The following DENND1A variants were observed in gnomAD, a reference collection of about 807,000 sequenced individuals.
DENND1A encodes the protein DENN domain-containing protein 1A.
A neutral mutation model predicts 113.7 loss-of-function variants in DENND1A; 51 were observed. That is an observed-to-expected ratio of 0.45 (90% confidence interval 0.36 to 0.57). The LOEUF (loss-of-function observed/expected upper bound fraction) is 0.57, where lower values mean the gene tolerates loss of function less well. Ranked by LOEUF, DENND1A falls within the 20% of genes least tolerant of loss-of-function variation. The pLI, the probability that DENND1A is intolerant of heterozygous loss-of-function variation, is 0.00. For missense variants in DENND1A, 1,258 were observed against 1,395.9 expected (o/e 0.90, Z 1.57); for synonymous variants, 565 against 570.8 (o/e 0.99, Z 0.14).
At chr9:123,757,447 T>C (rs2070667202) in intron 5 of DENND1A, among the ~76,000 whole-genome samples, 3 of 152,230 alleles carry the variant, frequency 2.0e-5, no homozygotes, top group Admixed American at 1.3e-4. Flanking sequence ...ACTGACTCTC[T>C]GGCTTCCACA....
chr9:123,620,234 A>G lies in DENND1A; in HGVS notation c.719+10142T>C, dbSNP rs1222032472. On this transcript the variant is annotated intron_variant, in intron 10 of 23. Coordinates refer to ENST00000394215, the MANE Select transcript of DENND1A (RefSeq NM_001352964.2). ...ATCTCAAAAAAAAAAAAAAAAAAAA[A>G]AAAAGAAAAGAAAAAGAAAAAAAGG... Among the ~76,000 whole-genome samples the G allele has an allele frequency of 6.8e-5, 10 of 146,520 alleles. No homozygotes were observed. The South Asian group carries it at 1.5e-3, about 22-fold the overall frequency.
chr9:123,871,508 C>T (rs1284770990), intron 2 of DENND1A, among the ~76,000 whole-genome samples: 1 of 152,204 alleles, frequency 6.6e-6, no homozygotes, highest in Non-Finnish European at 1.5e-5. Context: ...GAAAGTTAAA[C>T]TTCAGAATAA....
At chr9:123,389,430 G>A (rs2042728973) in intron 21 of DENND1A, among the ~76,000 whole-genome samples, 1 of 152,194 alleles carries the variant, frequency 6.6e-6, no homozygotes, top group Non-Finnish European at 1.5e-5. Flanking sequence ...TCCTGGACTC[G>A]AGGGGGCTCT....
chr9:123,506,884 T>A (rs2052999892), intron 13 of DENND1A, among the ~76,000 whole-genome samples: 1 of 152,140 alleles, frequency 6.6e-6, no homozygotes, highest in Admixed American at 6.6e-5. Flanking sequence ...CAAAATTTCC[T>A]TATGCTCTTT....
chr9:123,653,392 G>C (rs1220494552), intron 8 of DENND1A, among the ~76,000 whole-genome samples: 2 of 152,156 alleles, frequency 1.3e-5, no homozygotes, highest in East Asian at 3.8e-4. Context: ...TAAAGTCTGG[G>C]AGAGGTCAGC....
chr9:123,468,480 A>G (rs2049133575), intron 13 of DENND1A, among the ~76,000 whole-genome samples: 1 of 152,188 alleles, frequency 6.6e-6, no homozygotes. Flanking sequence ...TAAAAACTTA[A>G]GAATAAAGCA....
intron 3 of DENND1A, among the ~76,000 whole-genome samples, chr9:123,782,174 T>C (rs938355321): frequency 1.3e-5 from 2 of 152,218 alleles, no homozygotes; most frequent in Admixed American, 6.5e-5. Flanking sequence ...CTAGCTGCCA[T>C]TAAATCTGAA....
chr9:123,662,069 G>A (rs1454609572), intron 8 of DENND1A, among the ~76,000 whole-genome samples: 1 of 152,180 alleles, frequency 6.6e-6, no homozygotes. Context: ...ATGAAAACAG[G>A]CCCGTAGCAA....
At chr9:123,851,145 G>C (rs1381705698) in intron 2 of DENND1A, among the ~76,000 whole-genome samples, 1 of 152,148 alleles carries the variant, frequency 6.6e-6, no homozygotes, top group Non-Finnish European at 1.5e-5. Context: ...AACCCCAAAA[G>C]TTTCTTTGTG....
At chr9:123,488,021 C>A (rs577984566) in intron 13 of DENND1A, among the ~76,000 whole-genome samples, 1 of 152,356 alleles carries the variant, frequency 6.6e-6, no homozygotes, top group East Asian at 1.9e-4. Flanking sequence ...CCACAGACAT[C>A]CAGCCAGCAG....
At chr9:123,840,564 T>C (rs1841680458) in intron 2 of DENND1A, among the ~76,000 whole-genome samples, 1 of 152,180 alleles carries the variant, frequency 6.6e-6, no homozygotes, top group Non-Finnish European at 1.5e-5. Flanking sequence ...TATAGCAGAA[T>C]AGCTGACACA....
At chr9:123,714,741 G>A (rs4838076) in intron 5 of DENND1A, among the ~76,000 whole-genome samples, 31,341 of 152,106 alleles carry the variant, frequency 0.21, 3,456 homozygotes, top group African/African-American at 0.29. Flanking sequence ...ATAAAACAAT[G>A]GAGGAAGTGG....
At chr9:123,390,427 G>T (rs2042779371) in intron 21 of DENND1A, among the ~76,000 whole-genome samples, 1 of 152,288 alleles carries the variant, frequency 6.6e-6, no homozygotes, top group Non-Finnish European at 1.5e-5. Context: ...TGAAGGTGAG[G>T]GTGTCAGGTA....
intron 8 of DENND1A, among the ~76,000 whole-genome samples, chr9:123,659,025 TC>T (rs1247404024): frequency 2.0e-5 from 3 of 152,066 alleles, no homozygotes; most frequent in Non-Finnish European, 4.4e-5. Flanking sequence ...TCATTTCCTC[TC>T]CAGAACAGAG....
At chr9:123,693,851 C>A (rs1474811116) in intron 5 of DENND1A, among the ~76,000 whole-genome samples, 1 of 122,070 alleles carries the variant, frequency 8.2e-6, no homozygotes, top group Non-Finnish European at 1.8e-5. Flanking sequence ...TATTTTGAGA[C>A]AGAATCTCTC....
chr9:123,466,966 T>A (rs934124931), intron 13 of DENND1A, among the ~76,000 whole-genome samples: 19 of 151,004 alleles, frequency 1.3e-4, no homozygotes, highest in Admixed American at 4.6e-4. Flanking sequence ...CAGGAAGAAG[T>A]CTCGAGCCCA....
At chr9:123,497,327 T>G (rs548426703) in intron 13 of DENND1A, among the ~76,000 whole-genome samples, 1 of 152,292 alleles carries the variant, frequency 6.6e-6, no homozygotes, top group East Asian at 1.9e-4. Flanking sequence ...TTACTTATTT[T>G]TTAAGAGATG....
chr9:123,483,346 G>A (rs1282125510), intron 13 of DENND1A, among the ~76,000 whole-genome samples: 1 of 152,312 alleles, frequency 6.6e-6, no homozygotes, highest in African/African-American at 2.4e-5. Flanking sequence ...CAGAGATGCT[G>A]GGGGGCCATG....
At chr9:123,505,222 T>A (rs562951625) in intron 13 of DENND1A, among the ~76,000 whole-genome samples, 6 of 152,370 alleles carry the variant, frequency 3.9e-5, no homozygotes, top group African/African-American at 1.4e-4. Flanking sequence ...CAAGTACAAA[T>A]GCTTCTAGGA....
Sources: gnomAD v4.1 joint callset for allele counts (sites outside exome capture counted in the v4.1 genomes callset) on GRCh38, gnomAD v4.1.1 for gene constraint, MANE v1.5 for transcripts, NCBI Gene and HGNC (gene_info 2026-07-23, HGNC 2026-07-21) for gene names.